Variants in ANKS1B observed in about 807,000 individuals in gnomAD.
ANKS1B encodes the protein ankyrin repeat and sterile alpha motif domain-containing protein 1B.
A neutral mutation model predicts 148.3 loss-of-function variants in ANKS1B; 36 were observed. The observed-to-expected ratio is 0.24, with a 90% CI of 0.19 to 0.32. The LOEUF (loss-of-function observed/expected upper bound fraction) is 0.32, where lower values mean the gene tolerates loss of function less well. ANKS1B is among the 10% of genes least tolerant of loss of function. The probability of loss-of-function intolerance (pLI) is 1.00; values close to 1 mark genes in which losing one functional copy is unlikely to be tolerated. For synonymous variants in ANKS1B, 542 were observed against 560.8 expected (o/e 0.97, Z 0.47); for missense variants, 1,157 against 1,542.6 (o/e 0.75, Z 4.19).
In ANKS1B at chr12:99,403,717, G is replaced by C. The variant is rs183333189; in HGVS notation, c.1576-3906C>G. Among the ~76,000 whole-genome samples the C allele has an allele frequency of 6.6e-3, 959 of 145,390 alleles. 114 individuals carry two copies. Among genetic ancestry groups the C allele is most frequent in the Non-Finnish European group, 9.4e-3 (618 of 65,954 alleles). ...ACACTGTTGATGGGAGTTTAAATTA[G>C]TTCAACCATGAAGACACTATGGTGA... On this transcript the variant is annotated intron_variant, in intron 11 of 26. Coordinates refer to ENST00000683438, the MANE Select transcript of ANKS1B (RefSeq NM_001352186.2).
intron 9 of ANKS1B, among the ~76,000 whole-genome samples, chr12:99,553,037 G>T (rs2097237886): frequency 6.6e-6 from 1 of 152,044 alleles, no homozygotes; most frequent in African/African-American, 2.4e-5. Context: ...TCACAAAAAA[G>T]CTTCAACAGC....
chr12:99,127,531 G>A (rs2064768278), intron 15 of ANKS1B, among the ~76,000 whole-genome samples: 1 of 152,224 alleles, frequency 6.6e-6, no homozygotes, highest in Non-Finnish European at 1.5e-5. Context: ...TTATAAAAGT[G>A]TAATGTTCGC....
At chr12:99,412,797 G>A (rs923308387) in intron 11 of ANKS1B, among the ~76,000 whole-genome samples, 3 of 152,134 alleles carry the variant, frequency 2.0e-5, no homozygotes, top group African/African-American at 7.2e-5. Context: ...TTTGAAGACT[G>A]TATATAAGAG....
chr12:99,801,249 A>C (rs930611215), intron 4 of ANKS1B, among the ~76,000 whole-genome samples: 6 of 152,106 alleles, frequency 3.9e-5, no homozygotes, highest in Non-Finnish European at 8.8e-5. Context: ...CAGGAGGAAG[A>C]TAATAGACAC....
chr12:98,869,555 T>G (rs2099642596), intron 17 of ANKS1B, among the ~76,000 whole-genome samples: 1 of 152,104 alleles, frequency 6.6e-6, no homozygotes, highest in African/African-American at 2.4e-5. Context: ...ACTAAAATCC[T>G]GGAACCCTAG....
At chr12:98,856,307 T>C (rs148389414) in intron 17 of ANKS1B, among the ~76,000 whole-genome samples, 235 of 152,282 alleles carry the variant, frequency 1.5e-3, no homozygotes, top group Non-Finnish European at 2.8e-3. Flanking sequence ...CTCCTTATTT[T>C]TGAACCCATT....
rs552389178 is a variant in ANKS1B at position 98,904,696 on chromosome 12, G to T, written c.2779-72560C>A. On this transcript the variant is annotated intron_variant, in intron 17 of 26. Transcript: ENST00000683438. Reference sequence around the variant, plus strand: ...CAGCAGAGTTTGCCTGAGCCACAGGGGATGGGAGTCTGACCGTGAGGTCCA... The same window carrying T: ...CAGCAGAGTTTGCCTGAGCCACAGGTGATGGGAGTCTGACCGTGAGGTCCA... Among the ~76,000 whole-genome samples the T allele has an allele frequency of 5.3e-5, 8 of 152,310 alleles. No individual in the cohort carries two copies. In the South Asian group the frequency reaches 1.4e-3, roughly 28 times the overall value.
intron 1 of ANKS1B, among the ~76,000 whole-genome samples, chr12:99,917,276 C>T (rs1565994330): frequency 6.6e-6 from 1 of 152,146 alleles, no homozygotes; most frequent in Non-Finnish European, 1.5e-5. Flanking sequence ...ATAGTAGAGG[C>T]AGCATTGAAC....
At chr12:99,088,320 C>T (rs932568694) in intron 15 of ANKS1B, among the ~76,000 whole-genome samples, 3 of 152,154 alleles carry the variant, frequency 2.0e-5, no homozygotes, top group African/African-American at 7.2e-5. Flanking sequence ...GCGGGGCAAA[C>T]TTGGCTAAGT....
chr12:98,781,315 C>G (rs2098733328), intron 23 of ANKS1B, 112 bp from the exon 24 acceptor site: 1 of 180,852 alleles, frequency 5.5e-6, no homozygotes, highest in Admixed American at 5.6e-5. Context: ...ACAACAACAA[C>G]ACACACACAC....
At chr12:98,938,634 T>A (rs570024258) in intron 17 of ANKS1B, among the ~76,000 whole-genome samples, 4 of 152,328 alleles carry the variant, frequency 2.6e-5, no homozygotes, top group African/African-American at 9.6e-5. Context: ...GATGTGTCCT[T>A]GGGGGAAGAC....
chr12:99,876,504 T>A (rs1159483401), intron 1 of ANKS1B, among the ~76,000 whole-genome samples: 1 of 151,932 alleles, frequency 6.6e-6, no homozygotes, highest in East Asian at 1.9e-4. Context: ...AGGCGTATCA[T>A]TTGAGGTCAG....
chr12:98,755,064 AC>A (rs2098199253), intron 25 of ANKS1B, among the ~76,000 whole-genome samples: 1 of 152,134 alleles, frequency 6.6e-6, no homozygotes, highest in South Asian at 2.1e-4. Context: ...GCCCATGGGC[AC>A]CGAGACACAC....
chr12:99,667,294 A>G (rs916379183), intron 8 of ANKS1B, among the ~76,000 whole-genome samples: 42 of 151,844 alleles, frequency 2.8e-4, no homozygotes, highest in African/African-American at 1.0e-3. Context: ...GGTTGCAGTG[A>G]GCCGAGATCA....
At chr12:99,103,329 T>A (rs2058425938) in intron 15 of ANKS1B, among the ~76,000 whole-genome samples, 1 of 152,184 alleles carries the variant, frequency 6.6e-6, no homozygotes, top group Admixed American at 6.5e-5. Flanking sequence ...TTGACGCCCC[T>A]CAGTCTTACA....
chr12:99,652,569 C>G (rs2098427199), intron 9 of ANKS1B, among the ~76,000 whole-genome samples: 1 of 151,866 alleles, frequency 6.6e-6, no homozygotes, highest in Non-Finnish European at 1.5e-5. Context: ...ACACCCAAAA[C>G]CTGTATCTCA....
At chr12:99,934,462 T>C (rs1016660299) in intron 1 of ANKS1B, among the ~76,000 whole-genome samples, 18 of 152,170 alleles carry the variant, frequency 1.2e-4, no homozygotes, top group African/African-American at 4.3e-4. Flanking sequence ...TATTGGTCTG[T>C]TCAAGTTTTG....
At chr12:99,324,446 TCACGACC>T (rs1044375825) in intron 12 of ANKS1B, among the ~76,000 whole-genome samples, 2 of 152,122 alleles carry the variant, frequency 1.3e-5, no homozygotes, top group African/African-American at 4.8e-5. Context: ...CTTTCCAGCA[TCACGACC>T]CTCTGATTTT....
chr12:99,485,930 C>G (rs1434180654), intron 10 of ANKS1B, among the ~76,000 whole-genome samples: 1 of 152,088 alleles, frequency 6.6e-6, no homozygotes, highest in Non-Finnish European at 1.5e-5. Context: ...TCAGTCATAT[C>G]CTGAACTGCT....
Sources: allele counts gnomAD v4.1 joint callset (sites outside exome capture counted in the v4.1 genomes callset), GRCh38; gene constraint gnomAD v4.1.1; transcripts MANE v1.5; gene names NCBI Gene and HGNC (gene_info 2026-07-23, HGNC 2026-07-21).